Variants in CEP70 observed in about 807,000 individuals in gnomAD.
CEP70 encodes centrosomal protein of 70 kDa.
A neutral mutation model predicts 90.9 loss-of-function variants in CEP70; 70 were observed. That is an observed-to-expected ratio of 0.77 (90% CI 0.64 to 0.94). The LOEUF (loss-of-function observed/expected upper bound fraction) is 0.94. Ranked by LOEUF, CEP70 falls within the 40% of genes least tolerant of loss-of-function variation. CEP70 has a pLI of 0.00. For missense variants in CEP70, 648 were observed against 669.0 expected (o/e 0.97, Z 0.35); for synonymous variants, 220 against 228.3 (o/e 0.96, Z 0.33).
At chr3:138,518,501 G>A (rs1418185133) in intron 11 of CEP70, among the ~76,000 whole-genome samples, 3 of 152,090 alleles carry the variant, frequency 2.0e-5, no homozygotes, top group African/African-American at 7.2e-5. Context: ...AAGAATGATC[G>A]GGCAGCAACA....
At chr3:138,515,275 T>A (rs1330697955) in intron 11 of CEP70, among the ~76,000 whole-genome samples, 5 of 151,974 alleles carry the variant, frequency 3.3e-5, no homozygotes, top group African/African-American at 7.2e-5. Context: ...AAATATATAT[T>A]TTTTTGATTC....
intron 6 of CEP70, among the ~76,000 whole-genome samples, chr3:138,564,925 C>T (rs898642328): frequency 6.6e-6 from 1 of 152,200 alleles, no homozygotes; most frequent in African/African-American, 2.4e-5. Flanking sequence ...TTGCAGATGA[C>T]ATGATTGTAT....
intron 6 of CEP70, among the ~76,000 whole-genome samples, chr3:138,556,713 T>G (rs2108006374): frequency 6.6e-6 from 1 of 152,090 alleles, no homozygotes; most frequent in African/African-American, 2.4e-5. Context: ...TGATGCCTCC[T>G]GAGCTGTAAA....
chr3:138,560,711 G>C (rs1414240991), intron 6 of CEP70, among the ~76,000 whole-genome samples: 2 of 152,114 alleles, frequency 1.3e-5, no homozygotes, highest in African/African-American at 2.4e-5. Context: ...CACTGCTGAG[G>C]CTTGAGTAGC....
chr3:138,511,394 A>G (rs2035525437), intron 11 of CEP70, among the ~76,000 whole-genome samples: 1 of 152,244 alleles, frequency 6.6e-6, no homozygotes, highest in African/African-American at 2.4e-5. Context: ...TATTATCTAG[A>G]ACAAAAAAGG....
At chr3:138,528,923 C>T (rs528529713) in intron 10 of CEP70, among the ~76,000 whole-genome samples, 1 of 152,254 alleles carries the variant, frequency 6.6e-6, no homozygotes, top group East Asian at 1.9e-4. Context: ...ACCTGGGAGA[C>T]AGAGGTTGCA....
In CEP70 at chr3:138,518,132, G is replaced by A. The variant is rs186663536; in HGVS notation, c.944+7358C>T. Reference sequence around the variant, plus strand: ...AACTGCAAGGCGGCAGCGAGGCTGTGGGAGGGGCGCCCGACATTGCTGAGG... The same window carrying A: ...AACTGCAAGGCGGCAGCGAGGCTGTAGGAGGGGCGCCCGACATTGCTGAGG... On this transcript the variant is annotated intron_variant, in intron 11 of 17. Coordinates refer to ENST00000264982, the MANE Select transcript of CEP70 (RefSeq NM_024491.4). Among the ~76,000 whole-genome samples, 424 of 152,318 alleles carry A rather than the reference G, an allele frequency of 2.8e-3. 1 individual carries two copies. The highest frequency in any genetic ancestry group is 0.014 in the Middle Eastern group (4 of 294).
intron 6 of CEP70, among the ~76,000 whole-genome samples, chr3:138,542,444 G>A (rs1240796418): frequency 1.3e-5 from 2 of 152,230 alleles, no homozygotes; most frequent in Non-Finnish European, 2.9e-5. Context: ...GTCACCCGCA[G>A]CGCAGCAAGT....
At chr3:138,546,404 C>T (rs1311777159) in intron 6 of CEP70, among the ~76,000 whole-genome samples, 1 of 152,176 alleles carries the variant, frequency 6.6e-6, no homozygotes, top group Non-Finnish European at 1.5e-5. Context: ...CTGGTTTCCC[C>T]TTATTCTCTA....
intron 7 of CEP70, among the ~76,000 whole-genome samples, chr3:138,534,902 C>G (rs921561522): frequency 6.6e-6 from 1 of 152,220 alleles, no homozygotes; most frequent in African/African-American, 2.4e-5. Context: ...TGGACAACTC[C>G]TATCCATCTT....
chr3:138,561,839 A>G (rs2040428249), intron 6 of CEP70, among the ~76,000 whole-genome samples: 1 of 151,842 alleles, frequency 6.6e-6, no homozygotes, highest in African/African-American at 2.4e-5. Flanking sequence ...CCTGGCTAAC[A>G]CAGTGAAACC....
chr3:138,545,811 G>A (rs750927408), intron 6 of CEP70, among the ~76,000 whole-genome samples: 1 of 152,140 alleles, frequency 6.6e-6, no homozygotes, highest in Non-Finnish European at 1.5e-5. Context: ...CTGGTCTCCT[G>A]CAGTACCCTC....
chr3:138,500,646 G>T (rs768959881), intron 14 of CEP70, 79 bp from the exon 15 acceptor site: 20 of 1,498,928 alleles, frequency 1.3e-5, no homozygotes, highest in Non-Finnish European at 1.6e-5. Flanking sequence ...AAGACAAATA[G>T]AACTCTAGTA....
rs375807847 is a variant in CEP70 at position 138,500,112 on chromosome 3, C to T, written c.1650G>A (p.Gln550=). ...VMQVLGPEDL[Q]SIIYKLEEHE... ...TTGTAAACTTTTAAAACAAATACCT[C>T]TGGAGGTCTTCAGGTCCTAATACCT... The change falls in exon 16 of 18, where the codon CAG becomes CAA. Residue 550 remains glutamine (Q), a splice_region_variant and synonymous_variant. Coordinates refer to ENST00000264982, the MANE Select transcript of CEP70 (RefSeq NM_024491.4). The T allele has an allele frequency of 4.4e-6, 7 of 1,596,948 alleles. No homozygotes were observed. The highest frequency in any genetic ancestry group is 6.0e-6 in the Non-Finnish European group (7 of 1,164,860).
intron 12 of CEP70, among the ~76,000 whole-genome samples, chr3:138,507,727 T>A (rs2035115073): frequency 6.6e-6 from 1 of 152,184 alleles, no homozygotes; most frequent in African/African-American, 2.4e-5. Flanking sequence ...TAGGGACTGC[T>A]AACTATAGAA....
intron 6 of CEP70, among the ~76,000 whole-genome samples, chr3:138,539,168 G>A (rs572054457): frequency 4.9e-4 from 74 of 152,138 alleles, no homozygotes; most frequent in African/African-American, 1.7e-3. Flanking sequence ...CTGGATAGTT[G>A]CGTACCATCA....
intron 6 of CEP70, among the ~76,000 whole-genome samples, chr3:138,539,821 T>C (rs1015985047): frequency 1.3e-5 from 2 of 151,778 alleles, no homozygotes; most frequent in African/African-American, 4.8e-5. Flanking sequence ...AGGTCAGAGA[T>C]CACCAAACAG....
intron 2 of CEP70, among the ~76,000 whole-genome samples, chr3:138,590,796 A>G (rs2042345162): frequency 6.6e-6 from 1 of 151,902 alleles, no homozygotes. Context: ...GGACAACAGA[A>G]TGAGACTCTA....
At chr3:138,541,879 T>C (rs530846800) in intron 6 of CEP70, among the ~76,000 whole-genome samples, 66 of 152,246 alleles carry the variant, frequency 4.3e-4, no homozygotes, top group African/African-American at 1.5e-3. Flanking sequence ...AAAAGTTAGC[T>C]GAGTGTCGTA....
Sources: gnomAD v4.1 joint callset for allele counts (sites outside exome capture counted in the v4.1 genomes callset) on GRCh38, gnomAD v4.1.1 for gene constraint, MANE v1.5 for transcripts, NCBI Gene and HGNC (gene_info 2026-07-23, HGNC 2026-07-21) for gene names.